The following PSD3 variants were observed in gnomAD, a reference collection of about 807,000 sequenced individuals.
PSD3 encodes the protein pleckstrin and Sec7 domain containing 3.
Under a neutral mutation model 105.5 loss-of-function variants are expected in PSD3, and 49 were observed. That is an observed-to-expected ratio of 0.46 (90% CI 0.37 to 0.59). PSD3 has a LOEUF of 0.59. Ranked by LOEUF, PSD3 falls within the 20% of genes least tolerant of loss-of-function variation. The pLI, the probability that PSD3 is intolerant of heterozygous loss-of-function variation, is 0.00. For synonymous variants in PSD3, 557 were observed against 457.8 expected (o/e 1.22, Z -2.77); for missense variants, 1,561 against 1,263.8 (o/e 1.24, Z -3.57).
intron 4 of PSD3, among the ~76,000 whole-genome samples, chr8:18,847,924 G>A (rs1024164804): frequency 6.6e-5 from 10 of 152,228 alleles, no homozygotes; most frequent in African/African-American, 2.4e-4. Flanking sequence ...GAAACAATCG[G>A]GGAGACATGA....
chr8:18,851,690 G>A (rs1262158018), intron 4 of PSD3, among the ~76,000 whole-genome samples: 1 of 152,172 alleles, frequency 6.6e-6, no homozygotes, highest in Non-Finnish European at 1.5e-5. Context: ...GGAATTGCAG[G>A]GAGGGACCGA....
chr8:19,064,731 G>T (rs550517781), intron 1 of PSD3, among the ~76,000 whole-genome samples: 1 of 151,982 alleles, frequency 6.6e-6, no homozygotes, highest in African/African-American at 2.4e-5. Flanking sequence ...TTCATTATTT[G>T]GTCTAAACAT....
At chr8:18,593,253 C>T (rs1466369689) in intron 12 of PSD3, among the ~76,000 whole-genome samples, 1 of 152,152 alleles carries the variant, frequency 6.6e-6, no homozygotes, top group African/African-American at 2.4e-5. Context: ...CCAGAGTCTA[C>T]AATGAACTCA....
At chr8:18,642,418 A>C (rs1305337446) in intron 10 of PSD3, among the ~76,000 whole-genome samples, 1 of 152,168 alleles carries the variant, frequency 6.6e-6, no homozygotes, top group African/African-American at 2.4e-5. Context: ...CCTCATATAC[A>C]CATTAAAAAT....
chr8:18,717,117 C>T (rs2129424742), intron 9 of PSD3, among the ~76,000 whole-genome samples: 1 of 152,312 alleles, frequency 6.6e-6, no homozygotes, highest in Non-Finnish European at 1.5e-5. Flanking sequence ...CTATTTTAAA[C>T]AGTCTTAAAG....
chr8:19,061,557 C>T (rs1828896157), intron 1 of PSD3, among the ~76,000 whole-genome samples: 1 of 151,916 alleles, frequency 6.6e-6, no homozygotes, highest in Non-Finnish European at 1.5e-5. Context: ...CCTGTAATCC[C>T]AGCACTTTGG....
intron 2 of PSD3, among the ~76,000 whole-genome samples, chr8:18,927,207 C>T (rs995426271): frequency 6.6e-6 from 1 of 151,994 alleles, no homozygotes; most frequent in African/African-American, 2.4e-5. Context: ...GCTGTCCTTT[C>T]GGGTTTTTTT....
At chr8:18,808,331 C>T (rs747798604) in intron 4 of PSD3, among the ~76,000 whole-genome samples, 7 of 152,182 alleles carry the variant, frequency 4.6e-5, no homozygotes, top group Non-Finnish European at 8.8e-5. Flanking sequence ...TTTATTTAAT[C>T]ATTCTGTGCA....
At chr8:18,692,862 A>C (rs1801047051) in intron 9 of PSD3, among the ~76,000 whole-genome samples, 1 of 152,196 alleles carries the variant, frequency 6.6e-6, no homozygotes, top group African/African-American at 2.4e-5. Context: ...CTGAAATTAA[A>C]GGATGGAGTA....
At chr8:18,903,594 C>T (rs1424183973) in intron 2 of PSD3, among the ~76,000 whole-genome samples, 1 of 152,172 alleles carries the variant, frequency 6.6e-6, no homozygotes, top group Non-Finnish European at 1.5e-5. Flanking sequence ...CACTGTTCTA[C>T]TTCCCTGTTA....
intron 11 of PSD3, among the ~76,000 whole-genome samples, chr8:18,604,424 G>A (rs1314832368): frequency 6.6e-6 from 1 of 152,036 alleles, no homozygotes; most frequent in Non-Finnish European, 1.5e-5. Context: ...TGGTCTGGCT[G>A]TTTCTAACAT....
intron 1 of PSD3, among the ~76,000 whole-genome samples, chr8:19,023,870 ACAT>A: frequency 6.6e-6 from 1 of 152,380 alleles, no homozygotes; most frequent in Admixed American, 6.5e-5. Context: ...CCAAGGTATC[ACAT>A]ACATGATTGC....
At chr8:18,596,926 G>A (rs1353764294) in intron 12 of PSD3, among the ~76,000 whole-genome samples, 1 of 152,058 alleles carries the variant, frequency 6.6e-6, no homozygotes, top group East Asian at 1.9e-4. Flanking sequence ...TTCTCAAACT[G>A]TTCCAAAAAA....
In PSD3 at chr8:18,527,701, TTAC is replaced by T. The variant is rs1309642230; in HGVS notation, c.*8039_*8041del. On this transcript the variant is annotated 3_prime_UTR_variant, in exon 16 of 16. Coordinates refer to ENST00000327040, the MANE Select transcript of PSD3 (RefSeq NM_015310.4). The stretch of plus-strand genomic sequence containing the variant: ...AACACTTTAACAATATCCACACAAA[TTAC>T]TGTTCCTTTCAAAAGAAGACCACCA... The T allele has an allele frequency of 6.6e-6, 1 of 152,644 alleles. No individual in the cohort carries two copies. The highest frequency in any genetic ancestry group is 1.5e-5 in the Non-Finnish European group (1 of 68,034). The allele number at this position is 152,644 out of a possible 1,614,324, so 9.5% of individuals were successfully genotyped here. A position where few individuals can be genotyped will look rare whatever the true frequency, so the allele number is the denominator to read the frequency against.
chr8:18,690,571 G>C (rs535053157), intron 9 of PSD3, among the ~76,000 whole-genome samples: 1 of 152,258 alleles, frequency 6.6e-6, no homozygotes, highest in South Asian at 2.1e-4. Flanking sequence ...TTATCCCCTA[G>C]ATGGTCCAGC....
chr8:19,064,065 T>A (rs1240136227), intron 1 of PSD3, among the ~76,000 whole-genome samples: 1 of 151,930 alleles, frequency 6.6e-6, no homozygotes, highest in Non-Finnish European at 1.5e-5. Context: ...CACTTGAACC[T>A]GGGAGGCAGA....
At chr8:18,979,902 C>CA (rs1825163682) in intron 1 of PSD3, 1 of 152,152 alleles carries the variant, frequency 6.6e-6, no homozygotes, top group Non-Finnish European at 1.5e-5. Context: ...AACAAACCTC[C>CA]AAATCATTGA....
rs77215626 is a variant in PSD3, at chr8:18,869,569, C to G, written c.1239-1500G>C. Among the ~76,000 whole-genome samples, 40 of 152,320 alleles carry G rather than the reference C, an allele frequency of 2.6e-4. No individual in the cohort carries two copies. The East Asian group carries it at 7.4e-3, about 28-fold the overall frequency. On this transcript the variant is annotated intron_variant, in intron 3 of 15. Transcript: ENST00000327040. Reference sequence around the variant, plus strand: ...TGGCTTCACACATCTGCAGGAAGCACACACTAGTCAGGGAGCTCAGCAGCC... The same window carrying G: ...TGGCTTCACACATCTGCAGGAAGCAGACACTAGTCAGGGAGCTCAGCAGCC...
intron 4 of PSD3, among the ~76,000 whole-genome samples, chr8:18,822,414 G>C (rs540010684): frequency 6.6e-6 from 1 of 152,204 alleles, no homozygotes; most frequent in South Asian, 2.1e-4. Context: ...CCGGGAGTGT[G>C]TTCCAAGTAC....
Sources: gnomAD v4.1 joint callset for allele counts (sites outside exome capture counted in the v4.1 genomes callset) on GRCh38, gnomAD v4.1.1 for gene constraint, MANE v1.5 for transcripts, NCBI Gene and HGNC (gene_info 2026-07-23, HGNC 2026-07-21) for gene names.